The following TLL2 variants were observed in gnomAD, a reference collection of about 807,000 sequenced individuals.
The protein encoded by TLL2 is tolloid-like protein 2.
Under a neutral mutation model 123.0 loss-of-function variants are expected in TLL2, and 106 were observed. That is an observed-to-expected ratio of 0.86 (90% CI 0.74 to 1.01). TLL2 has a LOEUF of 1.01. Among genes scored for constraint, TLL2 ranks in the 50% least tolerant of loss-of-function variants. TLL2 has a pLI of 0.00. For synonymous variants in TLL2, 494 were observed against 516.8 expected (o/e 0.96, Z 0.60); for missense variants, 1,332 against 1,336.7 (o/e 1.00, Z 0.06).
chr10:96,510,094 G>T (rs1050504077), intron 1 of TLL2, among the ~76,000 whole-genome samples: 7 of 152,202 alleles, frequency 4.6e-5, no homozygotes, highest in African/African-American at 1.4e-4. Context: ...AAGGCCACAC[G>T]GTGAGTAAGG....
At chr10:96,484,017 T>C (rs1157819879) in intron 1 of TLL2, among the ~76,000 whole-genome samples, 1 of 152,190 alleles carries the variant, frequency 6.6e-6, no homozygotes, top group African/African-American at 2.4e-5. Flanking sequence ...AATATTTTTG[T>C]ATTTTTAGTA....
At chr10:96,406,578 C>A (rs1187667505) in intron 9 of TLL2, among the ~76,000 whole-genome samples, 3 of 152,168 alleles carry the variant, frequency 2.0e-5, no homozygotes, top group Non-Finnish European at 4.4e-5. Context: ...AACCCTTAGG[C>A]TGGAAGGCTT....
At chr10:96,407,874 C>G (rs1218794881) in intron 9 of TLL2, among the ~76,000 whole-genome samples, 2 of 151,942 alleles carry the variant, frequency 1.3e-5, no homozygotes, top group East Asian at 3.9e-4. Flanking sequence ...TGTGCGCACA[C>G]GTGTGTGCGT....
intron 2 of TLL2, among the ~76,000 whole-genome samples, chr10:96,448,224 A>C (rs1846918807): frequency 6.6e-6 from 1 of 152,196 alleles, no homozygotes; most frequent in Admixed American, 6.5e-5. Flanking sequence ...CACTCCCTGC[A>C]GCTGCCGGGT....
chr10:96,451,877 G>A (rs780332942), intron 2 of TLL2, among the ~76,000 whole-genome samples: 2 of 152,110 alleles, frequency 1.3e-5, no homozygotes, highest in East Asian at 1.9e-4. Context: ...CTTGCAGGAC[G>A]GCAGCCTTAG....
At chr10:96,399,628 G>A (rs1003370105) in intron 10 of TLL2, among the ~76,000 whole-genome samples, 16 of 152,216 alleles carry the variant, frequency 1.1e-4, no homozygotes, top group African/African-American at 3.6e-4. Context: ...TCTCTGGCAC[G>A]GCCAATTAGT....
chr10:96,384,487 C>A, intron 16 of TLL2, 100 bp downstream of exon 16: 1 of 1,282,502 alleles, frequency 7.8e-7, no homozygotes, highest in Non-Finnish European at 1.1e-6. Context: ...GATGCAGGAG[C>A]AAGCAAAGAG....
intron 1 of TLL2, among the ~76,000 whole-genome samples, chr10:96,492,624 TAAAC>T (rs1294039375): frequency 6.6e-6 from 1 of 152,268 alleles, no homozygotes; most frequent in African/African-American, 2.4e-5. Context: ...AACTCCGTCT[TAAAC>T]AAACAAACAA....
intron 2 of TLL2, among the ~76,000 whole-genome samples, chr10:96,471,692 A>T (rs2025453): frequency 6.6e-6 from 1 of 152,142 alleles, no homozygotes. Flanking sequence ...AGTCCCACAG[A>T]GAATCAGTAC....
chr10:96,366,817 A>T lies in TLL2; in HGVS notation c.*1271T>A, dbSNP rs558389708. The stretch of plus-strand genomic sequence containing the variant: ...ACATAAATACTCTTTTAAAGCTAAC[A>T]TACCACAGCTTTTAGCTCATAATGC... On this transcript the variant is annotated 3_prime_UTR_variant, in exon 21 of 21. Transcript: ENST00000357947. The T allele has an allele frequency of 3.9e-5, 6 of 152,804 alleles. No individual in the cohort carries two copies. The highest frequency in any genetic ancestry group is 1.2e-4 in the African/African-American group (5 of 41,604). 9.5% of individuals were successfully genotyped at this position (152,804 alleles called of 1,614,324 possible). A position where few individuals can be genotyped will look rare whatever the true frequency, so the allele number is the denominator to read the frequency against.
intron 8 of TLL2, among the ~76,000 whole-genome samples, chr10:96,411,158 G>A (rs1408340096): frequency 3.3e-5 from 5 of 149,312 alleles, no homozygotes; most frequent in Admixed American, 2.0e-4. Flanking sequence ...CAGAAGAATC[G>A]CTTGAGCCTG....
chr10:96,369,991 G>A, intron 20 of TLL2, 74 bp downstream of exon 20: 1 of 1,478,752 alleles, frequency 6.8e-7, no homozygotes. Flanking sequence ...ACTGAAAGCC[G>A]GGCGTGTCTG....
intron 13 of TLL2, among the ~76,000 whole-genome samples, chr10:96,391,602 T>G (rs1344509926): frequency 6.6e-6 from 1 of 152,166 alleles, no homozygotes; most frequent in African/African-American, 2.4e-5. Context: ...GAATTCAGCT[T>G]CCTCAACTGG....
rs756154030 is a variant in TLL2 at position 96,422,607 on chromosome 10, T to C, written c.759A>G (p.Glu253=). The C allele has an allele frequency of 2.2e-5, 36 of 1,614,078 alleles. No individual in the cohort carries two copies. The Admixed American group carries it at 5.7e-4, about 25-fold the overall frequency. Residue 253 remains glutamate, a synonymous_variant, in exon 6 of 21, where the codon GAA becomes GAG. Coordinates refer to ENST00000357947, the MANE Select transcript of TLL2 (RefSeq NM_012465.4). ...GTTGGTCTCTGTCTGGCCGGGTGTG[T>C]TCATGCCAAAACCCAACCACATGGC... The part of the protein sequence containing the change: ...ELGHVVGFWH[E]HTRPDRDQHV...
At chr10:96,447,960 C>T (rs1485604020) in intron 2 of TLL2, among the ~76,000 whole-genome samples, 1 of 152,130 alleles carries the variant, frequency 6.6e-6, no homozygotes, top group African/African-American at 2.4e-5. Context: ...CCACGCTGCT[C>T]AACCAAGGCT....
At chr10:96,396,097 G>A (rs917917741) in intron 11 of TLL2, 77 bp from the exon 12 acceptor site, 1 of 1,549,164 alleles carries the variant, frequency 6.5e-7, no homozygotes, top group Admixed American at 1.8e-5. Flanking sequence ...TGGGGAGGCG[G>A]GGGGAACAGC....
chr10:96,510,736 T>C (rs1847620724), intron 1 of TLL2, among the ~76,000 whole-genome samples: 3 of 152,052 alleles, frequency 2.0e-5, no homozygotes, highest in Non-Finnish European at 4.4e-5. Context: ...TTAGAAATGG[T>C]AAAATTACCA....
At chr10:96,493,484 G>A (rs1847436610) in intron 1 of TLL2, among the ~76,000 whole-genome samples, 1 of 152,208 alleles carries the variant, frequency 6.6e-6, no homozygotes, top group African/African-American at 2.4e-5. Context: ...GGAGCAGGAG[G>A]GGTGCAGTGA....
intron 16 of TLL2, among the ~76,000 whole-genome samples, chr10:96,383,176 G>A (rs889372536): frequency 3.3e-5 from 5 of 152,186 alleles, no homozygotes; most frequent in African/African-American, 9.7e-5. Flanking sequence ...CACATGCCAC[G>A]CTAAGGAGAA....
Sources: allele counts gnomAD v4.1 joint callset (sites outside exome capture counted in the v4.1 genomes callset), GRCh38; gene constraint gnomAD v4.1.1; transcripts MANE v1.5; gene names NCBI Gene and HGNC (gene_info 2026-07-23, HGNC 2026-07-21).